The following ANK3 variants were observed in gnomAD, a reference collection of about 807,000 sequenced individuals.
ANK3 encodes the protein ankyrin-3.
In ANK3, 57 loss-of-function variants were observed where a neutral mutation model predicts 370.9. The observed-to-expected ratio is 0.15, with a 90% CI of 0.12 to 0.19. The LOEUF is 0.19. Among genes scored for constraint, ANK3 ranks in the 10% least tolerant of loss-of-function variants. The pLI, the probability that ANK3 is intolerant of heterozygous loss-of-function variation, is 1.00. For missense variants in ANK3, 4,439 were observed against 5,302.1 expected (o/e 0.84, Z 5.06); for synonymous variants, 1,929 against 1,946.3 (o/e 0.99, Z 0.23).
intron 23 of ANK3, among the ~76,000 whole-genome samples, chr10:60,162,888 A>T (rs1306174667): frequency 6.6e-6 from 1 of 152,020 alleles, no homozygotes; most frequent in East Asian, 1.9e-4. Flanking sequence ...AGTTCTTTCG[A>T]TCTGTAACTA....
intron 1 of ANK3, among the ~76,000 whole-genome samples, chr10:60,323,660 A>G (rs2049160889): frequency 6.6e-6 from 1 of 152,206 alleles, no homozygotes. Context: ...GACCAAGGGA[A>G]AACGAAAAAT....
Position 60,073,867 on chromosome 10 carries a change from G to T in ANK3, c.7014C>A (p.Asn2338Lys), listed in dbSNP as rs1452310640. 6.2e-7 allele frequency: 1 copy of T among 1,613,608 alleles called. No homozygotes were observed. The highest frequency in any genetic ancestry group is 1.7e-5 in the Admixed American group (1 of 60,010). Residue 2338 changes from asparagine to lysine, a missense_variant, in exon 37 of 44, where the codon AAC (asparagine) becomes AAA (lysine). By Grantham distance (94) the Asn-to-Lys change is moderately conservative. This residue lies in a region of ANK3 where 1,601 missense variants were observed against 1,731.7 expected (regional missense o/e 0.92). Coordinates refer to ENST00000280772, the MANE Select transcript of ANK3 (RefSeq NM_020987.5). ...RIIEVHIEKG[N>K]QAEPTEVIIR... is the part of the protein sequence containing the mutation. ...TAATGACTTCAGTGGGCTCAGCTTGGTTACCTTTTTCGATGTGGACTTCTA... is the reference window on the plus strand; with the variant it reads ...TAATGACTTCAGTGGGCTCAGCTTGTTTACCTTTTTCGATGTGGACTTCTA...
At chr10:60,320,513 C>T (rs892891576) in intron 1 of ANK3, among the ~76,000 whole-genome samples, 2 of 152,128 alleles carry the variant, frequency 1.3e-5, no homozygotes, top group African/African-American at 2.4e-5. Context: ...GCATGAGAAT[C>T]GTTTGAACCT....
chr10:60,309,390 G>C (rs757104091), intron 1 of ANK3, among the ~76,000 whole-genome samples: 1 of 152,144 alleles, frequency 6.6e-6, no homozygotes, highest in African/African-American at 2.4e-5. Flanking sequence ...CCTTCTCTGA[G>C]GGGCTCCACT....
chr10:60,571,124 G>A (rs897894973), intron 2 of ANK3, among the ~76,000 whole-genome samples: 1 of 150,024 alleles, frequency 6.7e-6, no homozygotes, highest in Admixed American at 6.7e-5. Context: ...GTGCTGTGCA[G>A]CTGAGACCTG....
chr10:60,396,408 AGACT>A (rs1265029546), intron 2 of ANK3, among the ~76,000 whole-genome samples: 2 of 152,208 alleles, frequency 1.3e-5, no homozygotes, highest in African/African-American at 4.8e-5. Flanking sequence ...TTAATAGTGA[AGACT>A]GACTGGTTTC....
At chr10:60,218,097 C>CTTTT (rs199989242) in intron 8 of ANK3, among the ~76,000 whole-genome samples, 1,342 of 125,660 alleles carry the variant, frequency 0.011, 20 homozygotes, top group African/African-American at 0.034. Flanking sequence ...CTTTTTCTTT[C>CTTTT]TTTTTTTTTT....
chr10:60,061,189 T>C (rs1291547655), intron 40 of ANK3, among the ~76,000 whole-genome samples: 1 of 152,232 alleles, frequency 6.6e-6, no homozygotes, highest in Non-Finnish European at 1.5e-5. Flanking sequence ...TTTTCAGTTA[T>C]GGTCATCTAT....
chr10:60,409,636 C>T (rs574416463), intron 2 of ANK3, among the ~76,000 whole-genome samples: 1 of 152,216 alleles, frequency 6.6e-6, no homozygotes, highest in African/African-American at 2.4e-5. Flanking sequence ...AGAGGCCATC[C>T]AGTCTCCACT....
In ANK3 at chr10:60,073,146, T is replaced by G. The variant is rs201453892; in HGVS notation, c.7735A>C (p.Arg2579=). 3.1e-6 allele frequency: 5 copies of G among 1,614,162 alleles called. No homozygotes were observed. Among genetic ancestry groups the G allele is most frequent in the Non-Finnish European group, 4.2e-6 (5 of 1,180,014 alleles). ...EKLIYEDRVD[R]TVKEAEEKLT... The stretch of plus-strand genomic sequence containing the variant: ...TTTTCTTCAGCCTCCTTCACAGTCC[T>G]GTCCACCCTATCTTCATATATCAAC... The change falls in exon 37 of 44, where the codon AGG becomes CGG. Residue 2579 remains arginine (R), a synonymous_variant. Coordinates refer to ENST00000280772, the MANE Select transcript of ANK3 (RefSeq NM_020987.5).
chr10:60,687,928 G>C (rs964223611), intron 1 of ANK3, among the ~76,000 whole-genome samples: 1 of 152,128 alleles, frequency 6.6e-6, no homozygotes, highest in African/African-American at 2.4e-5. Flanking sequence ...TGGGCCTGGA[G>C]GATATTATGC....
chr10:60,311,653 C>G (rs957880204), intron 1 of ANK3, among the ~76,000 whole-genome samples: 3 of 152,102 alleles, frequency 2.0e-5, no homozygotes, highest in Non-Finnish European at 4.4e-5. Context: ...AATTTATGCT[C>G]CAGACACACT....
rs1307970197 is a variant in ANK3 at position 60,203,046 on chromosome 10, A to G, written c.1348T>C (p.Ser450Pro). 3 of 1,613,386 alleles carry G rather than the reference A, an allele frequency of 1.9e-6. No individual in the cohort carries two copies. The African/African-American group carries it at 4.0e-5, about 22-fold the overall frequency. ...GAGGCTCCATGATGCATTAGTTGTG[A>G]TACAATATTTACATGCCCCATGAAG... ...AAFMGHVNIVSQLMHHGASPN... is the reference protein window; with the variant it reads ...AAFMGHVNIVPQLMHHGASPN... The change falls in exon 12 of 44, where the codon TCA becomes CCA. Residue 450 changes from serine (S) to proline (P), a missense_variant. Ser to Pro is a moderately conservative substitution (Grantham distance 74). Around this residue, in one of 13 missense-constraint regions of ANK3, gnomAD observed 227 missense variants for 377.6 expected, o/e 0.60. Coordinates refer to ENST00000280772, the MANE Select transcript of ANK3 (RefSeq NM_020987.5).
At chr10:60,533,704 T>C (rs1009696417) in intron 2 of ANK3, among the ~76,000 whole-genome samples, 1 of 152,138 alleles carries the variant, frequency 6.6e-6, no homozygotes, top group Non-Finnish European at 1.5e-5. Flanking sequence ...TGTCTTATAT[T>C]CCAAAGGTAA....
chr10:60,089,648 T>C (rs2087701166), intron 28 of ANK3, among the ~76,000 whole-genome samples: 2 of 152,136 alleles, frequency 1.3e-5, no homozygotes, highest in Non-Finnish European at 1.5e-5. Flanking sequence ...TGACGGAGAA[T>C]TTATCTTATA....
intron 1 of ANK3, among the ~76,000 whole-genome samples, chr10:60,710,670 C>G (rs973025377): frequency 6.6e-6 from 1 of 152,116 alleles, no homozygotes; most frequent in African/African-American, 2.4e-5. Flanking sequence ...CCATGTTGTT[C>G]AGGGTCACCT....
intron 32 of ANK3, 63 bp from the exon 33 acceptor site, chr10:60,083,680 T>C: frequency 1.4e-6 from 2 of 1,409,206 alleles, no homozygotes; most frequent in Non-Finnish European, 2.0e-6. Flanking sequence ...TTTGAGATTT[T>C]ATGTCACGTA....
Position 60,262,267 on chromosome 10 carries a change from C to G in ANK3, c.700-310G>C, listed in dbSNP as rs540788496. Among the ~76,000 whole-genome samples the G allele has an allele frequency of 6.6e-5, 10 of 152,270 alleles. No individual in the cohort carries two copies. The South Asian group carries it at 1.9e-3, about 28-fold the overall frequency. On this transcript the variant is annotated intron_variant, in intron 6 of 43. Transcript: ENST00000280772. ...ATAGAGATGAGAAAAATCTTTATAG[C>G]TGATAGCTTGATTAGTGCCGCTGTT...
chr10:60,101,168 G>T (rs373180051), intron 28 of ANK3, among the ~76,000 whole-genome samples: 1 of 152,148 alleles, frequency 6.6e-6, no homozygotes, highest in African/African-American at 2.4e-5. Context: ...TCATCCTCGC[G>T]TATCTGGTGT....
Sources: gnomAD v4.1 joint callset for allele counts (sites outside exome capture counted in the v4.1 genomes callset) on GRCh38, gnomAD v4.1.1 for gene constraint, gnomAD v4.1.1 regional missense constraint, MANE v1.5 for transcripts, NCBI Gene and HGNC (gene_info 2026-07-23, HGNC 2026-07-21) for gene names.